The following JHY variants were observed in gnomAD, a reference collection of about 807,000 sequenced individuals.
The protein encoded by JHY is jhy protein homolog.
Under a neutral mutation model 78.0 loss-of-function variants are expected in JHY, and 69 were observed. The ratio of observed to expected loss-of-function variants is 0.88; its 90% CI spans 0.73 to 1.08. The LOEUF is 1.08. Among genes scored for constraint, JHY ranks in the 50% least tolerant of loss-of-function variants. JHY has a pLI of 0.00. For synonymous variants in JHY, 368 were observed against 342.6 expected, an observed-to-expected ratio of 1.07 and a Z score of -0.82; for missense variants, 944 against 927.8, an observed-to-expected ratio of 1.02 and a Z score of -0.23.
chr11:122,961,504 A>G lies in JHY; in HGVS notation c.*2059A>G, dbSNP rs1324530180. Among the ~76,000 whole-genome samples, 1 of 152,126 alleles carries G rather than the reference A, an allele frequency of 6.6e-6. No homozygotes were observed. The highest frequency in any genetic ancestry group is 1.5e-5 in the Non-Finnish European group (1 of 68,028). On this transcript the variant is annotated 3_prime_UTR_variant, in exon 9 of 9. Transcript: ENST00000227349. Reference sequence around the variant, plus strand: ...CGAGTAGCCGAGATTGCAAGCGTGCACTACCACGCCCGGCTAATTTTTATA... The same window carrying G: ...CGAGTAGCCGAGATTGCAAGCGTGCGCTACCACGCCCGGCTAATTTTTATA...
chr11:122,930,102 A>G (rs1333582057), intron 4 of JHY, among the ~76,000 whole-genome samples: 1 of 152,136 alleles, frequency 6.6e-6, no homozygotes, highest in African/African-American at 2.4e-5. Flanking sequence ...GTTTTTTGAG[A>G]AAGGGTCTTG....
chr11:122,955,529 C>A (rs1470570634), intron 6 of JHY, among the ~76,000 whole-genome samples: 1 of 152,142 alleles, frequency 6.6e-6, no homozygotes, highest in African/African-American at 2.4e-5. Context: ...TTATTGTGCT[C>A]AGGTGCCATA....
At chr11:122,958,797 T>C (rs530027459) in intron 8 of JHY, 67 of 984,616 alleles carry the variant, frequency 6.8e-5, no homozygotes, top group Non-Finnish European at 7.8e-5. Flanking sequence ...GGAACAAGAA[T>C]AGCTGGTATA....
intron 1 of JHY, among the ~76,000 whole-genome samples, chr11:122,884,700 T>C (rs890431510): frequency 6.6e-6 from 1 of 152,198 alleles, no homozygotes; most frequent in African/African-American, 2.4e-5. Context: ...CCCACTCAAC[T>C]TTCCCCAGGA....
At chr11:122,914,470 A>C (rs938939187) in intron 3 of JHY, among the ~76,000 whole-genome samples, 6 of 151,878 alleles carry the variant, frequency 4.0e-5, no homozygotes, top group African/African-American at 9.7e-5. Context: ...TTTGAGACAG[A>C]GTCTCGCTCT....
At chr11:122,894,456 A>G (rs1448163286) in intron 2 of JHY, among the ~76,000 whole-genome samples, 1 of 152,208 alleles carries the variant, frequency 6.6e-6, no homozygotes, top group African/African-American at 2.4e-5. Context: ...TGGAGAATGA[A>G]AAAAACACTC....
chr11:122,910,736 T>G (rs1470888602), intron 3 of JHY, among the ~76,000 whole-genome samples: 4 of 152,174 alleles, frequency 2.6e-5, no homozygotes, highest in Non-Finnish European at 4.4e-5. Flanking sequence ...GTAGTAACCC[T>G]TATAACTTCA....
At chr11:122,894,496 G>A (rs1298780117) in intron 2 of JHY, among the ~76,000 whole-genome samples, 1 of 152,154 alleles carries the variant, frequency 6.6e-6, no homozygotes, top group Non-Finnish European at 1.5e-5. Context: ...TCTGGCATTA[G>A]CACTGTAAGC....
chr11:122,926,264 T>C (rs12362533), intron 4 of JHY, among the ~76,000 whole-genome samples: 35,182 of 151,566 alleles, frequency 0.23, 4,593 homozygotes, highest in Middle Eastern at 0.3. Context: ...GCTCAGGTTT[T>C]TCTTGACCCG....
chr11:122,953,102 A>G (rs181801643), intron 6 of JHY, among the ~76,000 whole-genome samples: 119 of 152,320 alleles, frequency 7.8e-4, no homozygotes, highest in African/African-American at 2.6e-3. Flanking sequence ...CAATAATTCT[A>G]TGGCTATTAA....
rs1349971734 is a variant in JHY at position 122,934,525 on chromosome 11, G to A, written c.1084G>A (p.Ala362Thr). ...VNDHQPSRRP[A>T]KLKIRKQCKH... ...TGACCATCAACCTTCCAGAAGACCA[G>A]CCAAGCTCAAGATTCGAAAGCAGTG... The change falls in exon 5 of 9, where the codon GCC (alanine) becomes ACC (threonine). Residue 362 changes from alanine to threonine, a missense_variant. Coordinates refer to ENST00000227349, the MANE Select transcript of JHY (RefSeq NM_024806.4). 1 of 1,613,974 alleles carries A rather than the reference G, an allele frequency of 6.2e-7. No individual in the cohort carries two copies. Among genetic ancestry groups the A allele is most frequent in the East Asian group, 2.2e-5 (1 of 44,856 alleles).
chr11:122,889,085 C>A (rs1475905345), intron 2 of JHY, among the ~76,000 whole-genome samples: 1 of 152,168 alleles, frequency 6.6e-6, no homozygotes, highest in African/African-American at 2.4e-5. Context: ...CAAGTGCCTG[C>A]AAGTTACCAG....
Position 122,904,573 on chromosome 11 carries a change from C to G in JHY, c.864+129C>G, listed in dbSNP as rs181994648. 8.0e-5 allele frequency: 83 copies of G among 1,034,456 alleles called. No individual in the cohort carries two copies. The African/African-American group carries it at 1.0e-3, about 13-fold the overall frequency. 64.1% of individuals were successfully genotyped at this position (1,034,456 alleles called of 1,614,324 possible). On this transcript the variant is annotated intron_variant, in intron 3 of 8. Transcript: ENST00000227349. ...CAGCCACCTAGCTGGGTAAAACAAA[C>G]GCTTCCATAGGCTATCCTGTATGTT...
At chr11:122,915,601 C>T (rs1863217617) in intron 3 of JHY, among the ~76,000 whole-genome samples, 1 of 152,184 alleles carries the variant, frequency 6.6e-6, no homozygotes, top group Non-Finnish European at 1.5e-5. Flanking sequence ...CAACCTCTGC[C>T]TCCTGGGTTC....
intron 2 of JHY, among the ~76,000 whole-genome samples, chr11:122,899,048 C>G (rs1295729552): frequency 6.6e-6 from 1 of 152,198 alleles, no homozygotes; most frequent in Non-Finnish European, 1.5e-5. Flanking sequence ...TCCCTGACCT[C>G]CCAAGATAGG....
chr11:122,931,435 A>G (rs2135350705), intron 4 of JHY, among the ~76,000 whole-genome samples: 1 of 152,322 alleles, frequency 6.6e-6, no homozygotes, highest in Non-Finnish European at 1.5e-5. Context: ...TGCCTCCAAC[A>G]CTATCAATAG....
chr11:122,926,702 T>C lies in JHY; in HGVS notation c.978+1692T>C, dbSNP rs1264814436. Among the ~76,000 whole-genome samples the C allele has an allele frequency of 2.0e-5, 3 of 152,298 alleles. No individual in the cohort carries two copies. The East Asian group carries it at 5.8e-4, about 29-fold the overall frequency. Reference sequence around the variant, plus strand: ...CAGGGACAAAGGAAATACCTTAAGATTTGCCATGCATTATGGGTAATGGAC... The same window carrying C: ...CAGGGACAAAGGAAATACCTTAAGACTTGCCATGCATTATGGGTAATGGAC... On this transcript the variant is annotated intron_variant, in intron 4 of 8. Coordinates refer to ENST00000227349, the MANE Select transcript of JHY (RefSeq NM_024806.4).
chr11:122,909,280 C>T (rs779398254), intron 3 of JHY, among the ~76,000 whole-genome samples: 5 of 152,100 alleles, frequency 3.3e-5, no homozygotes, highest in Non-Finnish European at 7.4e-5. Flanking sequence ...ATAACCAGTA[C>T]GGAGGACAAT....
chr11:122,918,746 C>T (rs1015567781), intron 3 of JHY, among the ~76,000 whole-genome samples: 1 of 151,038 alleles, frequency 6.6e-6, no homozygotes, highest in Non-Finnish European at 1.5e-5. Context: ...ATTTTCATGC[C>T]GTCGTATTTA....
Sources: allele counts gnomAD v4.1 joint callset (sites outside exome capture counted in the v4.1 genomes callset), GRCh38; gene constraint gnomAD v4.1.1; transcripts MANE v1.5; gene names NCBI Gene and HGNC (gene_info 2026-07-23, HGNC 2026-07-21).